The following IGF2R variants were observed in gnomAD, a reference collection of about 807,000 sequenced individuals.
The protein encoded by IGF2R is cation-independent mannose-6-phosphate receptor.
In IGF2R, 91 loss-of-function variants were observed where a neutral mutation model predicts 270.6. The ratio of observed to expected loss-of-function variants is 0.34; its 90% CI spans 0.28 to 0.40. The LOEUF (loss-of-function observed/expected upper bound fraction) is 0.40. IGF2R is among the 10% of genes least tolerant of loss of function. The pLI is 1.00. For synonymous variants in IGF2R, 1,316 were observed against 1,258.9 expected (o/e 1.05, Z -0.96); for missense variants, 2,805 against 3,188.3 (o/e 0.88, Z 2.90).
In IGF2R at chr6:160,078,369, C is replaced by T. The variant is rs146799891; in HGVS notation, c.5478+7C>T. On this transcript the variant is annotated splice_region_variant and intron_variant, in intron 37 of 47. Coordinates refer to ENST00000356956, the MANE Select transcript of IGF2R (RefSeq NM_000876.4). ...TTCCACGAGCACCTTTAAGGTAATG[C>T]GTTCACCCTGGGCGTTGCTGGTGCA... is the stretch of plus-strand genomic sequence containing the variant. 7.6e-4 allele frequency: 1,218 copies of T among 1,612,744 alleles called. 13 individuals carry two copies. In the African/African-American group the frequency reaches 0.014, roughly 19 times the overall value.
rs1281975145 is a variant in IGF2R, at chr6:160,063,572, C to G, written c.3828C>G (p.Ser1276=). ...SSDVCPTSDK[S]KVVSSCQEKR... ...ACGTCTGCCCCACAAGTGACAAGTC[C>G]AAGGTGGTCTCCTCATGTCAGGAAA... The change falls in exon 27 of 48, where the codon TCC becomes TCG. Residue 1276 remains serine, a synonymous_variant. Coordinates refer to ENST00000356956, the MANE Select transcript of IGF2R (RefSeq NM_000876.4). The G allele has an allele frequency of 1.9e-6, 3 of 1,614,216 alleles. No homozygotes were observed. The South Asian group carries it at 3.3e-5, about 18-fold the overall frequency.
In IGF2R at chr6:160,014,659, T is replaced by G. The variant is rs184506909; in HGVS notation, c.513+3874T>G. Among the ~76,000 whole-genome samples the G allele has an allele frequency of 3.3e-3, 506 of 152,358 alleles. 1 individual carries two copies. The highest frequency in any genetic ancestry group is 5.3e-3 in the Admixed American group (81 of 15,312). On this transcript the variant is annotated intron_variant, in intron 4 of 47. Transcript: ENST00000356956. Reference sequence around the variant, plus strand: ...TTTCCATCATAGGCTTTTATTTTGCTGGTTAGAGAATTGCATCTTGTCTTG... The same window carrying G: ...TTTCCATCATAGGCTTTTATTTTGCGGGTTAGAGAATTGCATCTTGTCTTG...
intron 4 of IGF2R, among the ~76,000 whole-genome samples, chr6:160,012,353 T>G (rs1279558038): frequency 8.5e-5 from 13 of 152,170 alleles, no homozygotes; most frequent in Admixed American, 8.5e-4. Flanking sequence ...AAGAAACACC[T>G]GAGACTGGGT....
chr6:160,067,148 T>C lies in IGF2R; in HGVS notation c.4116-1101T>C, dbSNP rs1329576003. Among the ~76,000 whole-genome samples the C allele has an allele frequency of 2.0e-5, 3 of 152,196 alleles. No homozygotes were observed. The East Asian group carries it at 5.8e-4, about 29-fold the overall frequency. On this transcript the variant is annotated intron_variant, in intron 29 of 47. Coordinates refer to ENST00000356956, the MANE Select transcript of IGF2R (RefSeq NM_000876.4). ...CCCGTGTTGTCTCTAATAACCTCAC[T>C]TTCACTCTGTTCCAGCCACACGGGG...
chr6:160,085,216 G>T, intron 41 of IGF2R, 85 bp downstream of exon 41: 1 of 1,426,194 alleles, frequency 7.0e-7, no homozygotes, highest in Non-Finnish European at 9.7e-7. Flanking sequence ...GGCAAGGAGA[G>T]TGAGCATGTG....
At chr6:160,054,017 C>T (rs558065734) in intron 19 of IGF2R, among the ~76,000 whole-genome samples, 4 of 152,266 alleles carry the variant, frequency 2.6e-5, no homozygotes, top group African/African-American at 9.6e-5. Flanking sequence ...CCATACACAG[C>T]CTAGAAGTTT....
At position 160,043,168 on chromosome 6, in the gene IGF2R, G is replaced by A. The variant is rs1341611764; in HGVS notation, c.1501G>A (p.Ala501Thr). 8.1e-6 allele frequency: 13 copies of A among 1,614,082 alleles called. No homozygotes were observed. Among genetic ancestry groups the A allele is most frequent in the Non-Finnish European group, 1.1e-5 (13 of 1,180,030 alleles). The part of the protein sequence containing the change: ...RHAEPEQNWE[A>T]VDGSQTETEK... The stretch of plus-strand genomic sequence containing the variant: ...TACAGAACCAGAGCAGAATTGGGAA[G>A]CTGTGGATGGCAGTCAGACGGAAAC... Residue 501 changes from alanine (A) to threonine (T), a missense_variant, in exon 12 of 48, where the codon GCT (alanine) becomes ACT (threonine). Coordinates refer to ENST00000356956, the MANE Select transcript of IGF2R (RefSeq NM_000876.4).
In IGF2R at chr6:160,065,814, G is replaced by GTGTATATATA; in HGVS notation, c.4115+914_4115+915insGTATATATAT. Among the ~76,000 whole-genome samples the GTGTATATATA allele has an allele frequency of 6.8e-3, 535 of 78,220 alleles. 4 individuals carry two copies. Among genetic ancestry groups the GTGTATATATA allele is most frequent in the Non-Finnish European group, 9.4e-3 (401 of 42,868 alleles). 51.3% of individuals were successfully genotyped at this position (78,220 alleles called of 152,430 possible). Reference sequence around the variant, plus strand: ...TGTGTGTGTGTGTGTGTGTGTGTGTGTATATATATATATATATATATATAT... The same window carrying GTGTATATATA: ...TGTGTGTGTGTGTGTGTGTGTGTGTGTGTATATATATATATATATATATATATATATATAT... On this transcript the variant is annotated intron_variant, in intron 29 of 47. Coordinates refer to ENST00000356956, the MANE Select transcript of IGF2R (RefSeq NM_000876.4).
At position 160,098,703 on chromosome 6, in the gene IGF2R, C is replaced by T. The variant is rs190789775; in HGVS notation, c.6842+2078C>T. ...GTGTGGTGGTGCACACCTGTAATCG[C>T]AGCTACTCAGAAGGCTGAGGCAGGA... On this transcript the variant is annotated intron_variant, in intron 45 of 47. Coordinates refer to ENST00000356956, the MANE Select transcript of IGF2R (RefSeq NM_000876.4). Among the ~76,000 whole-genome samples the T allele has an allele frequency of 3.4e-4, 52 of 152,220 alleles. 2 individuals are homozygous for T. The East Asian group carries it at 8.1e-3, about 24-fold the overall frequency.
intron 19 of IGF2R, among the ~76,000 whole-genome samples, chr6:160,052,336 G>A (rs1383224984): frequency 1.3e-5 from 2 of 152,192 alleles, no homozygotes; most frequent in African/African-American, 4.8e-5. Flanking sequence ...ATTCACAATT[G>A]CTACAGAGAG....
intron 42 of IGF2R, among the ~76,000 whole-genome samples, chr6:160,088,466 C>G (rs546583694): frequency 6.6e-6 from 1 of 152,312 alleles, no homozygotes; most frequent in East Asian, 1.9e-4. Flanking sequence ...TTGTCCCACC[C>G]GAGGTGTTCA....
Position 160,088,158 on chromosome 6 carries a change from T to A in IGF2R, c.6320+11T>A. 6.6e-7 allele frequency: 1 copy of A among 1,504,042 alleles called. No homozygotes were observed. The highest frequency in any genetic ancestry group is 9.3e-7 in the Non-Finnish European group (1 of 1,079,852). 93.2% of individuals were successfully genotyped at this position (1,504,042 alleles called of 1,614,324 possible). ...ACCTGCATTCAAGAGGTCAGGAGAC[T>A]GGGGGCTCAGAGCGGGACTGTGCAG... On this transcript the variant is annotated intron_variant, in intron 42 of 47. Coordinates refer to ENST00000356956, the MANE Select transcript of IGF2R (RefSeq NM_000876.4).
At chr6:160,026,754 G>C (rs565243779) in intron 5 of IGF2R, among the ~76,000 whole-genome samples, 7 of 152,236 alleles carry the variant, frequency 4.6e-5, no homozygotes, top group Admixed American at 2.6e-4. Context: ...TTTGTAGTTA[G>C]ACCAACGTTA....
intron 1 of IGF2R, among the ~76,000 whole-genome samples, chr6:159,972,482 C>T (rs112910123): frequency 6.6e-6 from 1 of 152,252 alleles, no homozygotes; most frequent in South Asian, 2.1e-4. Context: ...GAATCCTAGC[C>T]GTAAATTCTC....
In IGF2R at chr6:160,089,912, T is replaced by C. The variant is rs764765531; in HGVS notation, c.6468-4T>C. The C allele has an allele frequency of 6.4e-6, 10 of 1,563,250 alleles. No homozygotes were observed. In the East Asian group the frequency reaches 2.1e-4, roughly 33 times the overall value. ...TGTCACTGTGATCTTTTCTGTCTCT[T>C]CAGGCTGTTCAGAGCCTCTGGGGAC... On this transcript the variant is annotated splice_polypyrimidine_tract_variant and splice_region_variant and intron_variant, in intron 43 of 47. Transcript: ENST00000356956.
intron 1 of IGF2R, among the ~76,000 whole-genome samples, chr6:159,988,117 T>C (rs1419976537): frequency 2.0e-5 from 3 of 152,128 alleles, no homozygotes; most frequent in East Asian, 3.8e-4. Context: ...CAGGACAATA[T>C]CCCTCATTTT....
intron 45 of IGF2R, among the ~76,000 whole-genome samples, chr6:160,097,478 T>G (rs924397116): frequency 4.6e-5 from 7 of 152,130 alleles, no homozygotes; most frequent in African/African-American, 1.2e-4. Flanking sequence ...TGCAGGCATG[T>G]GTCATTATGC....
intron 45 of IGF2R, among the ~76,000 whole-genome samples, chr6:160,099,263 G>A (rs1342440084): frequency 6.6e-6 from 1 of 152,166 alleles, no homozygotes; most frequent in South Asian, 2.1e-4. Flanking sequence ...TTATATCATC[G>A]ATAGGTTCTT....
chr6:160,052,875 G>A (rs1778229725), intron 19 of IGF2R, among the ~76,000 whole-genome samples: 1 of 152,210 alleles, frequency 6.6e-6, no homozygotes, highest in African/African-American at 2.4e-5. Context: ...AAACTGGCTA[G>A]CCATATGTAG....
Sources: allele counts gnomAD v4.1 joint callset (sites outside exome capture counted in the v4.1 genomes callset), GRCh38; gene constraint gnomAD v4.1.1; transcripts MANE v1.5; gene names NCBI Gene and HGNC (gene_info 2026-07-23, HGNC 2026-07-21).